The following DHRS7 variants were observed in gnomAD, a reference collection of about 807,000 sequenced individuals.
DHRS7 encodes dehydrogenase/reductase 7, also known as dehydrogenase/reductase SDR family member 7.
DHRS7 carries 34 observed loss-of-function variants against 38.9 expected under a neutral mutation model. The ratio of observed to expected loss-of-function variants is 0.87; its 90% CI spans 0.66 to 1.16. The LOEUF is 1.16. Ranked by LOEUF, DHRS7 falls within the 50% of genes most tolerant of loss-of-function variation. DHRS7 has a pLI of 0.00. For missense variants in DHRS7, 421 were observed against 407.0 expected, an observed-to-expected ratio of 1.03 and a Z score of -0.30; for synonymous variants, 158 against 153.1, an observed-to-expected ratio of 1.03 and a Z score of -0.24.
rs148226572 is a variant in DHRS7 at position 60,158,017 on chromosome 14, G to C, written c.134-1865C>G. ...GGAGGCCAAGGCGGGCAGATCACTTGAGGCCAGGAGTTCGAGACCAGCCTG... is the reference window on the plus strand; with the variant it reads ...GGAGGCCAAGGCGGGCAGATCACTTCAGGCCAGGAGTTCGAGACCAGCCTG... On this transcript the variant is annotated intron_variant, in intron 1 of 6. Coordinates refer to ENST00000557185, the MANE Select transcript of DHRS7 (RefSeq NM_016029.4). 9.7e-4 allele frequency among the ~76,000 whole-genome samples: 148 copies of C among 152,146 alleles called. 2 individuals are homozygous for C. The East Asian group carries it at 0.018, about 18-fold the overall frequency.
chr14:60,165,437 G>T, upstream of DHRS7: 1 of 1,391,090 alleles, frequency 7.2e-7, no homozygotes, highest in Non-Finnish European at 9.3e-7. This position sits in a 1 kb window ranked among gnomAD's most constrained non-coding sequence, Gnocchi z 4.6. Context: ...TCCGCCCAGG[G>T]AGCAGGCCGG....
chr14:60,169,782 T>C (rs1896910117), upstream of DHRS7: 1 of 152,292 alleles, frequency 6.6e-6, no homozygotes, highest in African/African-American at 2.4e-5. Flanking sequence ...TTGCCCTTAC[T>C]TTTGTTCAGA....
chr14:60,168,249 A>T (rs983923045), upstream of DHRS7, among the ~76,000 whole-genome samples: 7 of 152,174 alleles, frequency 4.6e-5, no homozygotes, highest in African/African-American at 1.7e-4. Flanking sequence ...GCCAATTTCC[A>T]CAGTATCTTG....
At position 60,153,925 on chromosome 14, in the gene DHRS7, A is replaced by G. The variant is rs1402521514; in HGVS notation, c.393+34T>C. ...GGGAATCTCTTCTGCAGTTACTTCAAAGCAAGACTATATCAATATAAGATG... is the reference window on the plus strand; with the variant it reads ...GGGAATCTCTTCTGCAGTTACTTCAGAGCAAGACTATATCAATATAAGATG... On this transcript the variant is annotated intron_variant, in intron 3 of 6. Coordinates refer to ENST00000557185, the MANE Select transcript of DHRS7 (RefSeq NM_016029.4). The surrounding 1 kb of genome is among the most constrained non-coding windows in gnomAD (Gnocchi z 4.4). The G allele has an allele frequency of 3.2e-6, 5 of 1,587,046 alleles. No individual in the cohort carries two copies. Among genetic ancestry groups the G allele is most frequent in the East Asian group, 4.5e-5 (2 of 44,744 alleles).
At chr14:60,164,657 G>A (rs757036298) in intron 1 of DHRS7, among the ~76,000 whole-genome samples, 41 of 152,308 alleles carry the variant, frequency 2.7e-4, no homozygotes, top group Non-Finnish European at 4.6e-4. Flanking sequence ...ACTAGAATGA[G>A]TAAGTAGGTG....
Position 60,153,823 on chromosome 14 carries a change from G to C in DHRS7, c.393+136C>G, listed in dbSNP as rs570044214. ...ATAATGACAAAGGCTCAGAGATTAA[G>C]GGGCCCAACTCATGGGCCCGATCTC... On this transcript the variant is annotated intron_variant, in intron 3 of 6. Coordinates refer to ENST00000557185, the MANE Select transcript of DHRS7 (RefSeq NM_016029.4). The surrounding 1 kb of genome is among the most constrained non-coding windows in gnomAD (Gnocchi z 4.4). 4.3e-4 allele frequency: 271 copies of C among 633,730 alleles called. No homozygotes were observed. The highest frequency in any genetic ancestry group is 6.6e-4 in the Non-Finnish European group (236 of 358,444). 39.3% of individuals were successfully genotyped at this position (633,730 alleles called of 1,614,324 possible).
chr14:60,155,792 A>G lies in DHRS7; in HGVS notation c.286+208T>C. ...TGGTCACTCCCTAATGCCAAGAGTC[A>G]GTGCAAAAAAAGCATAGAAAGGTGG... On this transcript the variant is annotated intron_variant, in intron 2 of 6. Transcript: ENST00000557185. The G allele has an allele frequency of 1.0e-5, 4 of 381,542 alleles. No individual in the cohort carries two copies. The East Asian group carries it at 1.6e-4, about 15-fold the overall frequency. The allele number at this position is 381,542 out of a possible 1,614,324, so 23.6% of individuals were successfully genotyped here. A position where few individuals can be genotyped will look rare whatever the true frequency, so the allele number is the denominator to read the frequency against.
rs1323055926 is a variant in DHRS7, at chr14:60,145,047, C to G, written c.973-34G>C. ...GAGGGACAGAAACATGGATCAGTACCTACTCCTATTTACTCCAGTTTTTAA... is the reference window on the plus strand; with the variant it reads ...GAGGGACAGAAACATGGATCAGTACGTACTCCTATTTACTCCAGTTTTTAA... On this transcript the variant is annotated intron_variant, in intron 6 of 6. Transcript: ENST00000557185. This position sits in a 1 kb window ranked among gnomAD's most constrained non-coding sequence, Gnocchi z 4.0. 5 of 1,456,420 alleles carry G rather than the reference C, an allele frequency of 3.4e-6. No individual in the cohort carries two copies. The highest frequency in any genetic ancestry group is 4.6e-6 in the Non-Finnish European group (5 of 1,091,006). 90.2% of individuals were successfully genotyped at this position (1,456,420 alleles called of 1,614,324 possible).
At position 60,156,020 on chromosome 14, in the gene DHRS7, C is replaced by G. The variant is rs1163029133; in HGVS notation, c.266G>C (p.Arg89Thr). 1 of 1,581,598 alleles carries G rather than the reference C, an allele frequency of 6.3e-7. No individual in the cohort carries two copies. The highest frequency in any genetic ancestry group is 8.6e-7 in the Non-Finnish European group (1 of 1,165,056). ...CTTACCTAGGCATCTTCTTTTCACC[C>G]TTTCCAGCTCATGCACTCTTCTGGC... ...LSARRVHELE[R>T]VKRRCLENGN... is the part of the protein sequence containing the mutation. The change falls in exon 2 of 7, where the codon AGG (arginine) becomes ACG (threonine). Residue 89 changes from arginine to threonine, a missense_variant. Coordinates refer to ENST00000557185, the MANE Select transcript of DHRS7 (RefSeq NM_016029.4).
At chr14:60,166,069 T>TA (rs1566538369), upstream of DHRS7, 1 of 327,716 alleles carries the variant, frequency 3.1e-6, no homozygotes, top group Non-Finnish European at 4.4e-6. Flanking sequence ...AAACAGCAAA[T>TA]AAAAACAGAG....
At position 60,153,093 on chromosome 14, in the gene DHRS7, T is replaced by C. The variant is rs1483945536; in HGVS notation, c.479A>G (p.Glu160Gly). ...TSLDVYRKLI[E>G]LNYLGTVSLT... ...GGACACCGTCCCTAAGTAGTTAAGC[T>C]CTATTAGCTTTCTGTAGACATCCAA... is the stretch of plus-strand genomic sequence containing the variant. The change falls in exon 4 of 7, where the codon GAG (glutamate) becomes GGG (glycine). Residue 160 changes from glutamate (E) to glycine (G), a missense_variant. Coordinates refer to ENST00000557185, the MANE Select transcript of DHRS7 (RefSeq NM_016029.4). The surrounding 1 kb of genome is among the most constrained non-coding windows in gnomAD (Gnocchi z 4.4). 2 of 1,614,060 alleles carry C rather than the reference T, an allele frequency of 1.2e-6. No homozygotes were observed. Among genetic ancestry groups the C allele is most frequent in the Non-Finnish European group, 1.7e-6 (2 of 1,180,026 alleles).
chr14:60,156,105 C>T lies in DHRS7; in HGVS notation c.181G>A (p.Gly61Arg), dbSNP rs538127220. The change falls in exon 2 of 7, where the codon GGA (glycine) becomes AGA (arginine). Residue 61 changes from glycine (G) to arginine (R), a missense_variant. Physicochemically the swap from Gly to Arg is moderately radical, Grantham distance 125 (BLOSUM62 -2). Transcript: ENST00000557185. ...TGGTAAGCCAGCTCCTCACCAATTC[C>T]ACTCGAGGCTCCAGTCACCCACACC... ...MVVWVTGASSGIGEELAYQLS... is the reference protein window; with the variant it reads ...MVVWVTGASSRIGEELAYQLS... 1.9e-6 allele frequency: 3 copies of T among 1,600,834 alleles called. No homozygotes were observed. The highest frequency in any genetic ancestry group is 2.7e-5 in the African/African-American group (2 of 74,022).
At chr14:60,149,273 A>G (rs1211652569) in intron 6 of DHRS7, 80 bp downstream of exon 6, 3 of 1,404,972 alleles carry the variant, frequency 2.1e-6, no homozygotes, top group East Asian at 2.3e-5. Context: ...CCAGCCAGAA[A>G]GTTTTTTAAA....
chr14:60,166,594 A>G (rs1896870194), upstream of DHRS7, among the ~76,000 whole-genome samples: 1 of 152,130 alleles, frequency 6.6e-6, no homozygotes, highest in Admixed American at 6.6e-5. Flanking sequence ...ATTTCCTTAA[A>G]TAGCTCTTCC....
chr14:60,157,544 C>T (rs1896682597), intron 1 of DHRS7, among the ~76,000 whole-genome samples: 1 of 152,174 alleles, frequency 6.6e-6, no homozygotes, highest in Admixed American at 6.5e-5. Context: ...ATGTACTTAG[C>T]ACATTGTCTA....
At position 60,146,782 on chromosome 14, in the gene DHRS7, A is replaced by G. The variant is rs1008858770; in HGVS notation, c.973-1769T>C. On this transcript the variant is annotated intron_variant, in intron 6 of 6. Coordinates refer to ENST00000557185, the MANE Select transcript of DHRS7 (RefSeq NM_016029.4). This position sits in a 1 kb window ranked among gnomAD's most constrained non-coding sequence, Gnocchi z 4.9. ...GCATTTGTGAAAACATGGATAATGAATGGACGTTAATGCTAAGTGATATAA... is the reference window on the plus strand; with the variant it reads ...GCATTTGTGAAAACATGGATAATGAGTGGACGTTAATGCTAAGTGATATAA... 4 of 152,204 alleles carry G rather than the reference A, an allele frequency of 2.6e-5. No individual in the cohort carries two copies. The highest frequency in any genetic ancestry group is 9.7e-5 in the African/African-American group (4 of 41,440). 9.4% of individuals were successfully genotyped at this position (152,204 alleles called of 1,614,324 possible).
At chr14:60,167,961 C>T (rs1304928242), upstream of DHRS7, among the ~76,000 whole-genome samples, 1 of 152,172 alleles carries the variant, frequency 6.6e-6, no homozygotes, top group African/African-American at 2.4e-5. Context: ...AACCTGGCCA[C>T]GGTGGAGAGG....
chr14:60,144,260 C>T lies in DHRS7; in HGVS notation c.*706G>A, dbSNP rs1193691564. 6.6e-6 allele frequency: 1 copy of T among 152,144 alleles called. No individual in the cohort carries two copies. The highest frequency in any genetic ancestry group is 1.9e-4 in the East Asian group (1 of 5,188). 9.4% of individuals were successfully genotyped at this position (152,144 alleles called of 1,614,324 possible). ...GGAGGTAAGGTCATTTCAAATACTT[C>T]TTTATATCTGGTCATTACCCAGCAC... On this transcript the variant is annotated 3_prime_UTR_variant, in exon 7 of 7. Transcript: ENST00000557185.
intron 6 of DHRS7, chr14:60,149,082 C>T (rs1243761878): frequency 2.4e-6 from 1 of 421,748 alleles, no homozygotes; most frequent in East Asian, 5.1e-5. Context: ...AAGCAATTCT[C>T]ATGCCTCAGC....
Sources: gnomAD v4.1 joint callset for allele counts (sites outside exome capture counted in the v4.1 genomes callset) on GRCh38, gnomAD v4.1.1 for gene constraint, Gnocchi (gnomAD v3.1) non-coding constraint, MANE v1.5 for transcripts, NCBI Gene and HGNC (gene_info 2026-07-23, HGNC 2026-07-21) for gene names.